SATB2: variants seen among roughly 807,000 people sequenced by gnomAD.
SATB2 encodes the protein SATB homeobox 2.
In SATB2, 1 loss-of-function variant was observed where a neutral mutation model predicts 73.4. The ratio of observed to expected loss-of-function variants is 0.01; its 90% CI spans 0.00 to 0.06. SATB2 has a LOEUF of 0.06. Ranked by LOEUF, SATB2 falls within the 10% of genes least tolerant of loss-of-function variation. The probability of loss-of-function intolerance (pLI) is 1.00; values close to 1 mark genes in which losing one functional copy is unlikely to be tolerated. For synonymous variants in SATB2, 397 were observed against 367.0 expected (o/e 1.08, Z -0.93); for missense variants, 459 against 945.8 (o/e 0.49, Z 6.75).
intron 9 of SATB2, among the ~76,000 whole-genome samples, chr2:199,317,334 C>T (rs1350550199): frequency 6.6e-6 from 1 of 152,038 alleles, no homozygotes; most frequent in Non-Finnish European, 1.5e-5. Flanking sequence ...CATTCTCCCA[C>T]TGTAAGAACC....
intron 10 of SATB2, among the ~76,000 whole-genome samples, chr2:199,281,575 T>C (rs1692498718): frequency 6.6e-6 from 1 of 152,072 alleles, no homozygotes; most frequent in Non-Finnish European, 1.5e-5. Context: ...GAATAGATGA[T>C]TGAATACATG....
chr2:199,355,989 C>G (rs1292850871), intron 6 of SATB2, among the ~76,000 whole-genome samples: 1 of 151,988 alleles, frequency 6.6e-6, no homozygotes. Flanking sequence ...TTTTGTGAAA[C>G]AGCCCCTTGG....
At chr2:199,282,928 T>C (rs1692569854) in intron 10 of SATB2, among the ~76,000 whole-genome samples, 2 of 152,222 alleles carry the variant, frequency 1.3e-5, no homozygotes, top group Non-Finnish European at 2.9e-5. Flanking sequence ...AGTTACAGTC[T>C]GTTTAAGGTG....
At chr2:199,346,558 A>G (rs1237221107) in intron 7 of SATB2, among the ~76,000 whole-genome samples, 2 of 152,208 alleles carry the variant, frequency 1.3e-5, no homozygotes, top group African/African-American at 4.8e-5. Context: ...GAGATCCAAC[A>G]CACTTTCGAA....
At chr2:199,418,943 T>C (rs1691082679) in intron 3 of SATB2, among the ~76,000 whole-genome samples, 1 of 151,934 alleles carries the variant, frequency 6.6e-6, no homozygotes, top group African/African-American at 2.4e-5. Flanking sequence ...ATCGAGTGAG[T>C]GATTCTGGGC....
rs1215148933 is a variant in SATB2 at position 199,271,489 on chromosome 2, G to A, written c.*722C>T. 1 of 146,774 alleles carries A rather than the reference G, an allele frequency of 6.8e-6. No individual in the cohort carries two copies. The highest frequency in any genetic ancestry group is 2.5e-5 in the African/African-American group (1 of 39,518). The allele number at this position is 146,774 out of a possible 1,614,324, so 9.1% of individuals were successfully genotyped here. A position where few individuals can be genotyped will look rare whatever the true frequency, so the allele number is the denominator to read the frequency against. ...CACTTCACTTTTTTTTTTTTCGGCA[G>A]TGTCGTTTATTTTGTTAAATACATA... is the stretch of plus-strand genomic sequence containing the variant. On this transcript the variant is annotated 3_prime_UTR_variant, in exon 11 of 11. Coordinates refer to ENST00000417098, the MANE Select transcript of SATB2 (RefSeq NM_001172509.2).
intron 10 of SATB2, among the ~76,000 whole-genome samples, chr2:199,292,208 T>C (rs965074989): frequency 6.6e-6 from 1 of 152,214 alleles, no homozygotes; most frequent in African/African-American, 2.4e-5. Flanking sequence ...AAACTAAGAA[T>C]GCTATTGCCT....
Position 199,346,268 on chromosome 2 carries a change from G to C in SATB2, c.1173+2433C>G, listed in dbSNP as rs1310583297. ...GGGTTCAAGTGATTCTCCTACCTCA[G>C]CCTCCCAAGTAGCTGGGATTACAGG... On this transcript the variant is annotated intron_variant, in intron 7 of 10. Transcript: ENST00000417098. 4.6e-5 allele frequency among the ~76,000 whole-genome samples: 7 copies of C among 151,580 alleles called. No homozygotes were observed. The East Asian group carries it at 1.4e-3, about 30-fold the overall frequency.
At chr2:199,286,370 C>T (rs548377637) in intron 10 of SATB2, among the ~76,000 whole-genome samples, 16 of 152,286 alleles carry the variant, frequency 1.1e-4, no homozygotes, top group Admixed American at 9.8e-4. Context: ...TTAATCAGCA[C>T]CATCTGAGAA....
intron 7 of SATB2, among the ~76,000 whole-genome samples, chr2:199,340,353 A>G (rs907290227): frequency 2.6e-5 from 4 of 152,214 alleles, no homozygotes; most frequent in African/African-American, 9.6e-5. Flanking sequence ...CAGGATGCAC[A>G]GCTTTCCCAA....
At chr2:199,285,339 T>C (rs1692653484) in intron 10 of SATB2, among the ~76,000 whole-genome samples, 3 of 151,984 alleles carry the variant, frequency 2.0e-5, no homozygotes. Flanking sequence ...TAGGAGAAAT[T>C]ACACATGCAT....
At chr2:199,466,804 G>A (rs1464430637), upstream of SATB2, among the ~76,000 whole-genome samples, 1 of 152,194 alleles carries the variant, frequency 6.6e-6, no homozygotes, top group East Asian at 1.9e-4. Flanking sequence ...TTCTTTTTCT[G>A]TCTGTGTCTC....
At chr2:199,304,359 T>C (rs1169343399) in intron 10 of SATB2, among the ~76,000 whole-genome samples, 1 of 152,198 alleles carries the variant, frequency 6.6e-6, no homozygotes, top group Non-Finnish European at 1.5e-5. Context: ...ATTTCCTCTT[T>C]TTCATGAAAT....
At chr2:199,402,820 C>T (rs1042549005) in intron 3 of SATB2, among the ~76,000 whole-genome samples, 16 of 152,050 alleles carry the variant, frequency 1.1e-4, no homozygotes, top group African/African-American at 1.5e-4. Flanking sequence ...TTTTAAATGA[C>T]GAATATCTTA....
chr2:199,319,346 G>A (rs1186653167), intron 9 of SATB2, among the ~76,000 whole-genome samples: 5 of 152,068 alleles, frequency 3.3e-5, no homozygotes, highest in Non-Finnish European at 5.9e-5. Flanking sequence ...TAAAGATGAG[G>A]ACATCTTACT....
chr2:199,313,477 T>G lies in SATB2; in HGVS notation c.1543-4520A>C, dbSNP rs934223540. ...CATTAGGGTGCATAAGCAAATAATA[T>G]TTATTCACATCTCATTTTAGCCATC... On this transcript the variant is annotated intron_variant, in intron 9 of 10. Transcript: ENST00000417098. 4.1e-4 allele frequency among the ~76,000 whole-genome samples: 63 copies of G among 152,244 alleles called. 2 individuals are homozygous for G. The highest frequency in any genetic ancestry group is 7.4e-5 in the Non-Finnish European group (5 of 68,008).
intron 10 of SATB2, among the ~76,000 whole-genome samples, chr2:199,289,331 G>A (rs1487113608): frequency 1.3e-5 from 2 of 152,208 alleles, no homozygotes; most frequent in East Asian, 3.9e-4. Context: ...CTTTTCCCAG[G>A]GGTCCAAGGA....
chr2:199,464,590 C>T lies in SATB2; in HGVS notation c.-141+246G>A, dbSNP rs1282393600. Among the ~76,000 whole-genome samples the T allele has an allele frequency of 5.9e-5, 9 of 152,140 alleles. No individual in the cohort carries two copies. The highest frequency in any genetic ancestry group is 1.3e-4 in the Non-Finnish European group (9 of 68,016). ...GGTCTGAGACGCCCCGCGCCCGACTCACGGCGCGAACACCAGCGCTCCGGC... is the reference window on the plus strand; with the variant it reads ...GGTCTGAGACGCCCCGCGCCCGACTTACGGCGCGAACACCAGCGCTCCGGC... On this transcript the variant is annotated intron_variant, in intron 1 of 11. Transcript: ENST00000260926. This position sits in a 1 kb window ranked among gnomAD's most constrained non-coding sequence, Gnocchi z 6.6.
At chr2:199,406,847 G>C (rs980335886) in intron 3 of SATB2, among the ~76,000 whole-genome samples, 1 of 152,118 alleles carries the variant, frequency 6.6e-6, no homozygotes, top group Non-Finnish European at 1.5e-5. Context: ...TGAAGCTGTG[G>C]AAATATTCGT....
Sources: allele counts gnomAD v4.1 joint callset (sites outside exome capture counted in the v4.1 genomes callset), GRCh38; gene constraint gnomAD v4.1.1; non-coding constraint Gnocchi (gnomAD v3.1); transcripts MANE v1.5; gene names NCBI Gene and HGNC (gene_info 2026-07-23, HGNC 2026-07-21).